CSNK2A2IP: variants seen among roughly 807,000 people sequenced by gnomAD.
The protein encoded by CSNK2A2IP is casein kinase 2 subunit alpha' interacting protein, also known as casein kinase II subunit alpha'-interacting protein.
chr3:88,367,786 T>C, the CSNK2A2IP span, among the ~76,000 whole-genome samples: 1 of 152,104 alleles, frequency 6.6e-6, no homozygotes, highest in South Asian at 2.1e-4. Context: ...ATATGAACCA[T>C]TGCTAATTTG....
chr3:88,417,691 G>A, the CSNK2A2IP span, among the ~76,000 whole-genome samples: 6 of 152,194 alleles, frequency 3.9e-5, no homozygotes, highest in South Asian at 1.0e-3. Flanking sequence ...TATATTGATT[G>A]CAAATTTGCT....
At chr3:88,455,240 G>A in the CSNK2A2IP span, among the ~76,000 whole-genome samples, 1 of 152,018 alleles carries the variant, frequency 6.6e-6, no homozygotes, top group Admixed American at 6.6e-5. Context: ...CCTAGAAGTG[G>A]AATTGCTTGA....
chr3:88,407,785 G>T, the CSNK2A2IP span, among the ~76,000 whole-genome samples: 1 of 151,860 alleles, frequency 6.6e-6, no homozygotes, highest in Non-Finnish European at 1.5e-5. Flanking sequence ...GTGCAGTGGC[G>T]CGATCTCGGC....
the CSNK2A2IP span, chr3:88,382,863 C>A: frequency 6.6e-6 from 1 of 152,146 alleles, no homozygotes; most frequent in Non-Finnish European, 1.5e-5. Flanking sequence ...GTGCACGATG[C>A]AAATCTAACC....
chr3:88,378,437 C>T, the CSNK2A2IP span, among the ~76,000 whole-genome samples: 1 of 151,886 alleles, frequency 6.6e-6, no homozygotes, highest in Non-Finnish European at 1.5e-5. Context: ...CCAGTGCTTT[C>T]CAGTAAAACT....
the CSNK2A2IP span, among the ~76,000 whole-genome samples, chr3:88,422,094 C>A: frequency 7.2e-5 from 11 of 152,030 alleles, no homozygotes; most frequent in Non-Finnish European, 1.3e-4. Context: ...GATCTATGTT[C>A]CTTTTAAAAT....
chr3:88,401,218 T>G, the CSNK2A2IP span, among the ~76,000 whole-genome samples: 1 of 152,174 alleles, frequency 6.6e-6, no homozygotes, highest in South Asian at 2.1e-4. Context: ...ATAAAATGAA[T>G]AATAATATAG....
the CSNK2A2IP span, among the ~76,000 whole-genome samples, chr3:88,436,770 A>G: frequency 6.6e-6 from 1 of 152,126 alleles, no homozygotes; most frequent in Admixed American, 6.6e-5. Context: ...TTTGCTGGAT[A>G]GTTACCTATT....
At chr3:88,356,353 T>C in the CSNK2A2IP span, among the ~76,000 whole-genome samples, 1 of 152,184 alleles carries the variant, frequency 6.6e-6, no homozygotes, top group Non-Finnish European at 1.5e-5. Flanking sequence ...ATGTGATATT[T>C]GTTTTTCTCT....
the CSNK2A2IP span, among the ~76,000 whole-genome samples, chr3:88,385,753 A>T: frequency 6.6e-6 from 1 of 152,218 alleles, no homozygotes; most frequent in East Asian, 1.9e-4. Flanking sequence ...ACTTACCTTT[A>T]GAGAGTCATG....
the CSNK2A2IP span, chr3:88,467,516 G>A: frequency 0.7 from 277,222 of 398,362 alleles, 102,014 homozygotes; most frequent in East Asian, 0.79. Context: ...ACAGTAAAAT[G>A]GAGAAAGGGA....
the CSNK2A2IP span, among the ~76,000 whole-genome samples, chr3:88,456,420 A>AT: frequency 4.0e-5 from 6 of 151,492 alleles, no homozygotes; most frequent in South Asian, 2.1e-4. Flanking sequence ...TCCTTGGTTA[A>AT]TTTTTTTTGT....
the CSNK2A2IP span, among the ~76,000 whole-genome samples, chr3:88,438,294 G>A: frequency 6.6e-6 from 1 of 152,124 alleles, no homozygotes; most frequent in African/African-American, 2.4e-5. Context: ...TTGGTATGCT[G>A]AGAACTTTGA....
chr3:88,391,104 G>C, the CSNK2A2IP span, among the ~76,000 whole-genome samples: 9 of 152,080 alleles, frequency 5.9e-5, no homozygotes, highest in African/African-American at 2.2e-4. Flanking sequence ...ATACTTAATA[G>C]GCAGCTGCAA....
chr3:88,402,622 T>A, the CSNK2A2IP span, among the ~76,000 whole-genome samples: 1 of 150,506 alleles, frequency 6.6e-6, no homozygotes, highest in Non-Finnish European at 1.5e-5. Context: ...ATTTATACAA[T>A]ATGTTACCTG....
At chr3:88,359,441 T>A in the CSNK2A2IP span, among the ~76,000 whole-genome samples, 1 of 152,034 alleles carries the variant, frequency 6.6e-6, no homozygotes, top group Non-Finnish European at 1.5e-5. Flanking sequence ...TTTCTAGTTC[T>A]TAAAGATACA....
chr3:88,393,014 G>A, the CSNK2A2IP span, among the ~76,000 whole-genome samples: 1 of 152,280 alleles, frequency 6.6e-6, no homozygotes, highest in East Asian at 1.9e-4. Flanking sequence ...CCTTGAAAGG[G>A]ATAAAAGGGA....
the CSNK2A2IP span, among the ~76,000 whole-genome samples, chr3:88,341,729 G>A: frequency 6.6e-6 from 1 of 151,896 alleles, no homozygotes; most frequent in Non-Finnish European, 1.5e-5. Context: ...TGCTCCTGAA[G>A]TATTAATATC....
chr3:88,341,285 A>C, the CSNK2A2IP span, among the ~76,000 whole-genome samples: 142,588 of 151,636 alleles, frequency 0.94, 67,587 homozygotes, highest in Non-Finnish European at 1. Flanking sequence ...AAATATTGAC[A>C]TGAATCATTA....
Sources: gnomAD v4.1 joint callset for allele counts (sites outside exome capture counted in the v4.1 genomes callset) on GRCh38, gnomAD v4.1.1 for gene constraint, MANE v1.5 for transcripts, NCBI Gene and HGNC (gene_info 2026-07-23, HGNC 2026-07-21) for gene names.